PRKG1: variants seen among roughly 807,000 people sequenced by gnomAD.
PRKG1 encodes the protein cGMP-dependent protein kinase 1.
A neutral mutation model predicts 88.1 loss-of-function variants in PRKG1; 35 were observed. The ratio of observed to expected loss-of-function variants is 0.40; its 90% CI spans 0.30 to 0.53. The LOEUF (loss-of-function observed/expected upper bound fraction) is 0.53, where lower values mean the gene tolerates loss of function less well. PRKG1 is among the 20% of genes least tolerant of loss of function. The pLI is 0.59. For missense variants in PRKG1, 540 were observed against 839.8 expected, an observed-to-expected ratio of 0.64 and a Z score of 4.41; for synonymous variants, 303 against 292.5, an observed-to-expected ratio of 1.04 and a Z score of -0.37.
At chr10:51,520,873 G>A (rs535006525) in intron 3 of PRKG1, among the ~76,000 whole-genome samples, 4 of 152,288 alleles carry the variant, frequency 2.6e-5, no homozygotes, top group Admixed American at 2.6e-4. Context: ...TGAAAAACAT[G>A]CAGTCTTCTT....
At chr10:52,267,340 T>C (rs528019551) in intron 10 of PRKG1, among the ~76,000 whole-genome samples, 1 of 152,148 alleles carries the variant, frequency 6.6e-6, no homozygotes, top group Non-Finnish European at 1.5e-5. Flanking sequence ...TCTGTACAAT[T>C]TCTCAATATC....
chr10:51,946,703 G>T (rs1843044413), intron 5 of PRKG1, among the ~76,000 whole-genome samples: 1 of 152,106 alleles, frequency 6.6e-6, no homozygotes, highest in South Asian at 2.1e-4. Context: ...CTGCAGGTCT[G>T]TTGGAGTTTG....
chr10:51,588,754 ATCCGAAAGGTT>A (rs1838234215), intron 3 of PRKG1, among the ~76,000 whole-genome samples: 2 of 152,198 alleles, frequency 1.3e-5, no homozygotes, highest in African/African-American at 4.8e-5. Context: ...TAAGAGGATA[ATCCGAAAGGTT>A]TCTTTGATGT....
rs974048678 is a variant in PRKG1 at position 52,194,601 on chromosome 10, C to A, written c.1076+32638C>A. On this transcript the variant is annotated intron_variant, in intron 9 of 17. Coordinates refer to ENST00000373980, the MANE Select transcript of PRKG1 (RefSeq NM_006258.4). ...CTCGCTAAAGTTTCCGTTTATGTGG[C>A]CTTTGTCTCTGGTTTTAACAATGTG... Among the ~76,000 whole-genome samples the A allele has an allele frequency of 2.0e-5, 3 of 152,066 alleles. No homozygotes were observed. The East Asian group carries it at 5.8e-4, about 29-fold the overall frequency.
chr10:51,329,623 C>A (rs1841679106), intron 2 of PRKG1, among the ~76,000 whole-genome samples: 2 of 152,068 alleles, frequency 1.3e-5, no homozygotes, highest in Non-Finnish European at 1.5e-5. Flanking sequence ...TGGTAATGAA[C>A]CCCCTCAACT....
At chr10:51,943,304 G>T (rs1589441476) in intron 5 of PRKG1, among the ~76,000 whole-genome samples, 1 of 151,816 alleles carries the variant, frequency 6.6e-6, no homozygotes, top group African/African-American at 2.4e-5. Flanking sequence ...CATTGATTTT[G>T]TATCCTGAGA....
intron 1 of PRKG1, among the ~76,000 whole-genome samples, chr10:51,079,706 T>A (rs1228313772): frequency 1.3e-5 from 2 of 151,728 alleles, no homozygotes; most frequent in Non-Finnish European, 2.9e-5. Context: ...TGTGTGTGTT[T>A]TACACCAAGG....
chr10:52,180,111 A>T (rs1194647038), intron 9 of PRKG1, among the ~76,000 whole-genome samples: 3 of 152,072 alleles, frequency 2.0e-5, no homozygotes, highest in South Asian at 2.1e-4. Flanking sequence ...TTATTATTTT[A>T]TCTTTTTTTC....
At chr10:51,601,992 C>T (rs1838618800) in intron 3 of PRKG1, among the ~76,000 whole-genome samples, 1 of 151,780 alleles carries the variant, frequency 6.6e-6, no homozygotes, top group Non-Finnish European at 1.5e-5. Flanking sequence ...TTTAACCTCT[C>T]TTCAGTAATG....
intron 8 of PRKG1, among the ~76,000 whole-genome samples, chr10:52,136,543 A>C (rs1237828441): frequency 6.6e-6 from 1 of 152,088 alleles, no homozygotes; most frequent in East Asian, 1.9e-4. Flanking sequence ...TGACAAGTGA[A>C]TGGATGTGGT....
chr10:51,698,117 G>A, intron 3 of PRKG1: 1 of 1,614,114 alleles, frequency 6.2e-7, no homozygotes, highest in Non-Finnish European at 8.5e-7. Context: ...AATGGGACCA[G>A]GACCCTGAAT....
intron 1 of PRKG1, among the ~76,000 whole-genome samples, chr10:51,061,449 C>T (rs1023284976): frequency 1.1e-4 from 17 of 152,094 alleles, no homozygotes; most frequent in African/African-American, 2.2e-4. Context: ...ACCATATCAG[C>T]GTCTTTTATA....
intron 2 of PRKG1, among the ~76,000 whole-genome samples, chr10:51,335,655 C>T (rs925353695): frequency 5.9e-5 from 9 of 152,134 alleles, no homozygotes; most frequent in Non-Finnish European, 1.0e-4. Context: ...CCCCAGCCTC[C>T]TGAGTAGCTG....
intron 2 of PRKG1, among the ~76,000 whole-genome samples, chr10:51,314,061 A>G (rs1380165237): frequency 6.6e-6 from 1 of 152,196 alleles, no homozygotes; most frequent in Admixed American, 6.5e-5. Flanking sequence ...GACATGAGGC[A>G]GGCTGGTCCT....
intron 7 of PRKG1, among the ~76,000 whole-genome samples, chr10:52,108,780 G>A (rs1437520770): frequency 1.3e-5 from 2 of 151,234 alleles, no homozygotes; most frequent in African/African-American, 4.9e-5. Flanking sequence ...TGATACTAAA[G>A]GTGTCAAAAG....
chr10:52,031,285 A>T (rs1034649978), intron 5 of PRKG1, among the ~76,000 whole-genome samples: 2 of 152,220 alleles, frequency 1.3e-5, no homozygotes, highest in African/African-American at 4.8e-5. Flanking sequence ...TCTGTTTTCC[A>T]TCTCAAGCTT....
chr10:52,002,095 C>T (rs1375436163), intron 5 of PRKG1, among the ~76,000 whole-genome samples: 5 of 152,118 alleles, frequency 3.3e-5, no homozygotes, highest in African/African-American at 1.2e-4. Context: ...AAATATTATT[C>T]TTTCTACATT....
intron 3 of PRKG1, among the ~76,000 whole-genome samples, chr10:51,725,693 G>A (rs937685932): frequency 6.6e-6 from 1 of 151,662 alleles, no homozygotes; most frequent in African/African-American, 2.4e-5. Context: ...GAGTACAGTG[G>A]CATGCTCTCG....
At chr10:51,731,475 C>T (rs1422887815) in intron 3 of PRKG1, among the ~76,000 whole-genome samples, 1 of 152,134 alleles carries the variant, frequency 6.6e-6, no homozygotes, top group Non-Finnish European at 1.5e-5. Flanking sequence ...TTTTCACAAA[C>T]TAGAACAGTA....
Sources: gnomAD v4.1 joint callset for allele counts (sites outside exome capture counted in the v4.1 genomes callset) on GRCh38, gnomAD v4.1.1 for gene constraint, MANE v1.5 for transcripts, NCBI Gene and HGNC (gene_info 2026-07-23, HGNC 2026-07-21) for gene names.